SRL: variants seen among roughly 807,000 people sequenced by gnomAD.
The protein encoded by SRL is sarcalumenin.
A neutral mutation model predicts 39.5 loss-of-function variants in SRL; 23 were observed. The ratio of observed to expected loss-of-function variants is 0.58; its 90% confidence interval spans 0.42 to 0.82. The LOEUF (loss-of-function observed/expected upper bound fraction) is 0.82. Among genes scored for constraint, SRL ranks in the 40% least tolerant of loss-of-function variants. The pLI, the probability that SRL is intolerant of heterozygous loss-of-function variation, is 0.00. For synonymous variants in SRL, 272 were observed against 237.4 expected (o/e 1.15, Z -1.34); for missense variants, 592 against 607.8 (o/e 0.97, Z 0.27).
In SRL at chr16:4,192,100, C is replaced by T. The variant is rs755523654; in HGVS notation, c.*53G>A. The T allele has an allele frequency of 6.7e-6, 10 of 1,503,426 alleles. No homozygotes were observed. Among genetic ancestry groups the T allele is most frequent in the East Asian group, 2.3e-5 (1 of 44,198 alleles). 93.1% of individuals were successfully genotyped at this position (1,503,426 alleles called of 1,614,324 possible). Reference sequence around the variant, plus strand: ...GGTTAATAAACCAGGACCTCTCAGACAGTTAGGACACAAGCTGATTCACCA... The same window carrying T: ...GGTTAATAAACCAGGACCTCTCAGATAGTTAGGACACAAGCTGATTCACCA... On this transcript the variant is annotated 3_prime_UTR_variant, in exon 6 of 6. Coordinates refer to ENST00000399609, the MANE Select transcript of SRL (RefSeq NM_001098814.2). This position sits in a 1 kb window ranked among gnomAD's most constrained non-coding sequence, Gnocchi z 4.0.
At chr16:4,239,317 G>C (rs2052746443) in intron 1 of SRL, among the ~76,000 whole-genome samples, 1 of 152,206 alleles carries the variant, frequency 6.6e-6, no homozygotes, top group Non-Finnish European at 1.5e-5. Context: ...CTTGCCATTG[G>C]GGTGGCCGGG....
intron 1 of SRL, among the ~76,000 whole-genome samples, chr16:4,240,448 G>A (rs554611133): frequency 6.6e-5 from 10 of 152,302 alleles, no homozygotes; most frequent in Non-Finnish European, 1.5e-4. Flanking sequence ...ATCCACCACA[G>A]TGGATGAAAC....
intron 4 of SRL, among the ~76,000 whole-genome samples, chr16:4,197,084 T>C (rs2052158863): frequency 2.3e-5 from 1 of 43,332 alleles, no homozygotes; most frequent in Admixed American, 2.2e-4. Context: ...TTTTTTTTTT[T>C]GTGAGACAGA....
chr16:4,227,721 TG>T (rs2052608943), intron 1 of SRL, among the ~76,000 whole-genome samples: 1 of 152,150 alleles, frequency 6.6e-6, no homozygotes, highest in South Asian at 2.1e-4. Context: ...GAGTAGGCTG[TG>T]TCCTCAGGCC....
chr16:4,197,433 T>C (rs1306572282), intron 4 of SRL, among the ~76,000 whole-genome samples: 5 of 145,354 alleles, frequency 3.4e-5, no homozygotes, highest in Admixed American at 6.8e-5. Flanking sequence ...TTTTTTTTTT[T>C]TTTTTTGAGA....
chr16:4,230,141 C>T lies in SRL; in HGVS notation c.61+11866G>A, dbSNP rs371521552. Among the ~76,000 whole-genome samples, 82 of 152,156 alleles carry T rather than the reference C, an allele frequency of 5.4e-4. 1 individual carries two copies. The highest frequency in any genetic ancestry group is 1.9e-3 in the African/African-American group (78 of 41,512). On this transcript the variant is annotated intron_variant, in intron 1 of 5. Coordinates refer to ENST00000399609, the MANE Select transcript of SRL (RefSeq NM_001098814.2). ...CTCCTACCTACCACCACTACTAGGC[C>T]GGGCTACCTCCTGAGATTCTCTGCC...
intron 5 of SRL, among the ~76,000 whole-genome samples, chr16:4,195,019 C>T (rs1223578444): frequency 1.3e-5 from 2 of 151,892 alleles, no homozygotes; most frequent in African/African-American, 4.8e-5. Flanking sequence ...CTCAGCCTCC[C>T]GAGTAGCTGG....
At chr16:4,200,213 C>T (rs2052209423) in intron 3 of SRL, among the ~76,000 whole-genome samples, 1 of 152,210 alleles carries the variant, frequency 6.6e-6, no homozygotes, top group African/African-American at 2.4e-5. Context: ...CTGTGGAAGT[C>T]AAGCCCTGGC....
intron 1 of SRL, among the ~76,000 whole-genome samples, chr16:4,226,667 ATG>A (rs2052592944): frequency 4.6e-5 from 7 of 151,528 alleles, no homozygotes; most frequent in African/African-American, 1.7e-4. Context: ...GAATGGAAGG[ATG>A]ATGGATGGTT....
rs1214017052 is a variant in SRL at position 4,189,984 on chromosome 16, A to G, written c.*2169T>C. The G allele has an allele frequency of 6.5e-6, 2 of 306,488 alleles. No homozygotes were observed. Among genetic ancestry groups the G allele is most frequent in the Non-Finnish European group, 5.9e-6 (1 of 168,108 alleles). The allele number at this position is 306,488 out of a possible 1,614,324, so 19.0% of individuals were successfully genotyped here. On this transcript the variant is annotated 3_prime_UTR_variant, in exon 6 of 6. Transcript: ENST00000399609. ...TTCTGGGGTTTGCGGAGGGTGGTTA[A>G]TGAGAAGAAAAGTCCAGGACAGATT...
chr16:4,200,668 CA>C (rs1451931717), intron 3 of SRL, among the ~76,000 whole-genome samples: 1 of 152,218 alleles, frequency 6.6e-6, no homozygotes, highest in East Asian at 1.9e-4. Context: ...GGAGGCTCTG[CA>C]AGCTCATACC....
intron 1 of SRL, among the ~76,000 whole-genome samples, chr16:4,229,497 G>C (rs958186688): frequency 6.6e-6 from 1 of 151,996 alleles, no homozygotes; most frequent in Admixed American, 6.6e-5. Context: ...GATGCAGCTG[G>C]AGGTCATTAT....
At chr16:4,223,671 A>G (rs1236431429) in intron 1 of SRL, among the ~76,000 whole-genome samples, 2 of 152,112 alleles carry the variant, frequency 1.3e-5, no homozygotes, top group East Asian at 1.9e-4. Flanking sequence ...CAGAAAGATG[A>G]GCCACCACAT....
chr16:4,236,715 C>T (rs1397752291), intron 1 of SRL, among the ~76,000 whole-genome samples: 1 of 152,124 alleles, frequency 6.6e-6, no homozygotes, highest in African/African-American at 2.4e-5. Flanking sequence ...ATGATCTCAG[C>T]TCACTGCAAC....
intron 2 of SRL, among the ~76,000 whole-genome samples, 184 bp downstream of exon 2, chr16:4,204,349 G>A (rs1190947105): frequency 2.4e-5 from 2 of 83,040 alleles, no homozygotes; most frequent in African/African-American, 3.7e-5. Context: ...CCTCCTCCAC[G>A]AAGCCTCCCA....
chr16:4,217,095 G>A (rs1448299646), intron 1 of SRL, among the ~76,000 whole-genome samples: 1 of 152,138 alleles, frequency 6.6e-6, no homozygotes. Context: ...TGAGAAACGT[G>A]GGAGCTTGGG....
intron 3 of SRL, among the ~76,000 whole-genome samples, chr16:4,202,561 C>G (rs1165950650): frequency 6.6e-6 from 1 of 151,246 alleles, no homozygotes; most frequent in African/African-American, 2.4e-5. Context: ...CCACTGCACT[C>G]CAGTATGAGT....
At chr16:4,209,251 C>T (rs140051818) in intron 1 of SRL, among the ~76,000 whole-genome samples, 1,750 of 151,232 alleles carry the variant, frequency 0.012, 39 homozygotes, top group African/African-American at 0.041. Flanking sequence ...CCAGGCTGGG[C>T]GACAGAGTGA....
At chr16:4,218,037 G>A (rs1482054366) in intron 1 of SRL, among the ~76,000 whole-genome samples, 1 of 152,180 alleles carries the variant, frequency 6.6e-6, no homozygotes, top group African/African-American at 2.4e-5. Context: ...TCTGGGAACG[G>A]AGCAGGCTGA....
Sources: allele counts gnomAD v4.1 joint callset (sites outside exome capture counted in the v4.1 genomes callset), GRCh38; gene constraint gnomAD v4.1.1; non-coding constraint Gnocchi (gnomAD v3.1); transcripts MANE v1.5; gene names NCBI Gene and HGNC (gene_info 2026-07-23, HGNC 2026-07-21).